Variants in ABCA13 observed in about 807,000 individuals in gnomAD.
ABCA13 encodes ATP binding cassette subfamily A member 13.
ABCA13 carries 476 observed loss-of-function variants against 478.7 expected under a neutral mutation model. The observed-to-expected ratio is 0.99, with a 90% CI of 0.92 to 1.07. The LOEUF (loss-of-function observed/expected upper bound fraction) is 1.07. Ranked by LOEUF, ABCA13 falls within the 50% of genes least tolerant of loss-of-function variation. The pLI is 0.00. For missense variants in ABCA13, 6,060 were observed against 5,910.6 expected (o/e 1.03, Z -0.83); for synonymous variants, 2,252 against 2,158.9 (o/e 1.04, Z -1.20).
At chr7:48,298,791 C>T (rs1799751803) in intron 23 of ABCA13, among the ~76,000 whole-genome samples, 1 of 152,172 alleles carries the variant, frequency 6.6e-6, no homozygotes, top group South Asian at 2.1e-4. Flanking sequence ...ATGCATGACA[C>T]CTGGGAAGGG....
chr7:48,535,121 C>G (rs1484109583), intron 55 of ABCA13, among the ~76,000 whole-genome samples: 2 of 152,098 alleles, frequency 1.3e-5, no homozygotes, highest in Non-Finnish European at 2.9e-5. Flanking sequence ...TTCTGGTTTC[C>G]TCCTCATTTG....
intron 35 of ABCA13, 79 bp downstream of exon 35, chr7:48,376,651 A>AG: frequency 2.8e-6 from 4 of 1,436,926 alleles, no homozygotes; most frequent in Non-Finnish European, 3.8e-6. Flanking sequence ...TATTAGAATA[A>AG]TCACTTATTC....
intron 31 of ABCA13, among the ~76,000 whole-genome samples, chr7:48,362,409 C>CTTTTTTTTTTTTTTTTTTTTTTTT (rs35795708): frequency 2.3e-5 from 2 of 86,008 alleles, no homozygotes; most frequent in Non-Finnish European, 4.4e-5. Context: ...TCCTCTTCTT[C>CTTTTTTTTTTTTTTTTTTTTTTTT]TTTTTTTTTT....
At chr7:48,261,149 C>A (rs1324274858) in intron 15 of ABCA13, among the ~76,000 whole-genome samples, 1 of 151,874 alleles carries the variant, frequency 6.6e-6, no homozygotes, top group East Asian at 1.9e-4. Flanking sequence ...GAGCTGATAG[C>A]TTTTAGCTGT....
At chr7:48,379,160 T>C (rs1813952016) in intron 35 of ABCA13, among the ~76,000 whole-genome samples, 1 of 152,244 alleles carries the variant, frequency 6.6e-6, no homozygotes, top group African/African-American at 2.4e-5. Flanking sequence ...TTTTTGACTT[T>C]ATCACAAAAT....
At chr7:48,575,369 G>T (rs1376982351) in intron 55 of ABCA13, among the ~76,000 whole-genome samples, 1 of 152,134 alleles carries the variant, frequency 6.6e-6, no homozygotes, top group Non-Finnish European at 1.5e-5. Flanking sequence ...TGACATAAGT[G>T]TGGAAACTTT....
chr7:48,605,327 T>C (rs540152847), intron 58 of ABCA13, among the ~76,000 whole-genome samples: 2 of 152,242 alleles, frequency 1.3e-5, no homozygotes, highest in African/African-American at 4.8e-5. Context: ...ATAGCATCGA[T>C]GGTCTTTACA....
At chr7:48,211,488 T>G (rs1281906727) in intron 3 of ABCA13, among the ~76,000 whole-genome samples, 1 of 152,160 alleles carries the variant, frequency 6.6e-6, no homozygotes, top group Non-Finnish European at 1.5e-5. Flanking sequence ...AGGAGTATCT[T>G]TCCACACTGG....
chr7:48,314,005 G>T (rs1461226658), intron 25 of ABCA13, among the ~76,000 whole-genome samples: 1 of 151,622 alleles, frequency 6.6e-6, no homozygotes, highest in Non-Finnish European at 1.5e-5. Context: ...GTGTGTGTGT[G>T]TAGGTATGAC....
intron 31 of ABCA13, among the ~76,000 whole-genome samples, chr7:48,360,209 GC>G (rs1352092180): frequency 1.6e-5 from 2 of 128,004 alleles, no homozygotes; most frequent in African/African-American, 6.1e-5. Context: ...CCCATGACAG[GC>G]CCCGGTGTGT....
In ABCA13 at chr7:48,273,103, G is replaced by A. The variant is rs1227311757; in HGVS notation, c.3437G>A (p.Cys1146Tyr). Residue 1146 changes from cysteine to tyrosine, a missense_variant, in exon 17 of 62, where the codon TGT (cysteine) becomes TAT (tyrosine). By Grantham distance (194) the Cys-to-Tyr change is radical (BLOSUM62 -2). Around this residue, in one of 3 missense-constraint regions of ABCA13, gnomAD observed 4,423 missense variants for 4,309.1 expected, o/e 1.03. Transcript: ENST00000435803. ...TTCAACAAGTTTATGTCCATTCACTGTACCGTTTCATGGCTTCAAATGTGG... is the reference window on the plus strand; with the variant it reads ...TTCAACAAGTTTATGTCCATTCACTATACCGTTTCATGGCTTCAAATGTGG... ...SVFNKFMSIH[C>Y]TVSWLQMWTE... is the part of the protein sequence containing the mutation. The A allele has an allele frequency of 2.5e-6, 4 of 1,613,604 alleles. No individual in the cohort carries two copies. The South Asian group carries it at 4.4e-5, about 18-fold the overall frequency.
chr7:48,276,472 A>C lies in ABCA13; in HGVS notation c.6806A>C (p.Lys2269Thr), dbSNP rs537244156. The change falls in exon 17 of 62, where the codon AAA becomes ACA. Residue 2269 changes from lysine (K) to threonine (T), a missense_variant. Lys to Thr is a moderately conservative substitution (Grantham distance 78). Transcript: ENST00000435803. ...SIVDFTEQFL[K>T]TFFSLFLKED... ...GTAGATTTCACAGAACAGTTTTTGAAAACATTCTTCTCCCTTTTTCTAAAG... is the reference window on the plus strand; with the variant it reads ...GTAGATTTCACAGAACAGTTTTTGACAACATTCTTCTCCCTTTTTCTAAAG... The C allele has an allele frequency of 6.9e-5, 111 of 1,604,440 alleles. 2 individuals are homozygous for C. The South Asian group carries it at 8.7e-4, about 13-fold the overall frequency.
intron 27 of ABCA13, among the ~76,000 whole-genome samples, chr7:48,321,794 A>G (rs1416101927): frequency 6.6e-6 from 1 of 152,132 alleles, no homozygotes; most frequent in African/African-American, 2.4e-5. Context: ...AGCAAGGGAG[A>G]AGGCAGTGCC....
chr7:48,445,935 G>C (rs1313021520), intron 42 of ABCA13, among the ~76,000 whole-genome samples: 1 of 152,034 alleles, frequency 6.6e-6, no homozygotes, highest in African/African-American at 2.4e-5. Flanking sequence ...TTCTACTCTA[G>C]GGCTTCTGGA....
intron 27 of ABCA13, among the ~76,000 whole-genome samples, chr7:48,321,538 G>A (rs1803464925): frequency 6.6e-6 from 1 of 152,140 alleles, no homozygotes; most frequent in South Asian, 2.1e-4. Context: ...GCTAGCATGT[G>A]GTCCTAGCAG....
chr7:48,213,859 T>C (rs565812056), intron 3 of ABCA13, among the ~76,000 whole-genome samples: 26 of 152,312 alleles, frequency 1.7e-4, no homozygotes, highest in African/African-American at 5.8e-4. Context: ...CAACTCCTCA[T>C]TCATTAGTTT....
At chr7:48,494,747 G>C (rs987277417) in intron 48 of ABCA13, among the ~76,000 whole-genome samples, 3 of 152,010 alleles carry the variant, frequency 2.0e-5, no homozygotes, top group Non-Finnish European at 4.4e-5. Flanking sequence ...AAGATAAGAA[G>C]AAAATGCCAG....
chr7:48,452,559 ATCTCT>A lies in ABCA13; in HGVS notation c.12566-2474_12566-2470del, dbSNP rs575721088. 1.7e-4 allele frequency among the ~76,000 whole-genome samples: 26 copies of A among 152,350 alleles called. 2 individuals are homozygous for A. The South Asian group carries it at 5.4e-3, about 32-fold the overall frequency. ...GTCAGTTTTGTATCACTTAACAAAT[ATCTCT>A]TCTGCCAACTAAGCAGGTATTTACA... is the stretch of plus-strand genomic sequence containing the variant. On this transcript the variant is annotated intron_variant, in intron 42 of 61. Transcript: ENST00000435803.
chr7:48,469,434 C>G (rs1827232025), intron 44 of ABCA13, among the ~76,000 whole-genome samples: 1 of 152,164 alleles, frequency 6.6e-6, no homozygotes, highest in South Asian at 2.1e-4. Context: ...ATCCAAATCT[C>G]AGCTCCACTC....
Sources: gnomAD v4.1 joint callset for allele counts (sites outside exome capture counted in the v4.1 genomes callset) on GRCh38, gnomAD v4.1.1 for gene constraint, gnomAD v4.1.1 regional missense constraint, MANE v1.5 for transcripts, NCBI Gene and HGNC (gene_info 2026-07-23, HGNC 2026-07-21) for gene names.